Variants in MIPEP observed in about 807,000 individuals in gnomAD.
MIPEP encodes mitochondrial intermediate peptidase.
In MIPEP, 79 loss-of-function variants were observed where a neutral mutation model predicts 90.3. That is an observed-to-expected ratio of 0.87 (90% CI 0.73 to 1.05). The LOEUF (loss-of-function observed/expected upper bound fraction) is 1.05. Among genes scored for constraint, MIPEP ranks in the 50% least tolerant of loss-of-function variants. The pLI is 0.00. For synonymous variants in MIPEP, 334 were observed against 315.8 expected (o/e 1.06, Z -0.61); for missense variants, 940 against 905.6 (o/e 1.04, Z -0.49).
At chr13:23,782,261 G>C (rs1233487823) in intron 16 of MIPEP, among the ~76,000 whole-genome samples, 1 of 152,126 alleles carries the variant, frequency 6.6e-6, no homozygotes, top group Admixed American at 6.5e-5. Flanking sequence ...CTGTCTCTCA[G>C]ACCACAGTGC....
intron 18 of MIPEP, among the ~76,000 whole-genome samples, chr13:23,734,586 T>G (rs1952239687): frequency 6.6e-6 from 1 of 152,174 alleles, no homozygotes; most frequent in African/African-American, 2.4e-5. Context: ...GAGTTTATCT[T>G]GGGACCTCAA....
chr13:23,769,242 G>A (rs562018027), intron 16 of MIPEP, among the ~76,000 whole-genome samples: 9 of 152,314 alleles, frequency 5.9e-5, no homozygotes, highest in African/African-American at 2.2e-4. Flanking sequence ...GGCCTCTGTA[G>A]GAACAGGTAC....
chr13:23,779,620 G>A (rs1369857368), intron 16 of MIPEP, among the ~76,000 whole-genome samples: 1 of 151,924 alleles, frequency 6.6e-6, no homozygotes, highest in Non-Finnish European at 1.5e-5. Context: ...GCAGGACAGT[G>A]GGTGCAGCCC....
intron 16 of MIPEP, among the ~76,000 whole-genome samples, chr13:23,774,226 C>CT (rs903213802): frequency 2.2e-4 from 33 of 149,628 alleles, no homozygotes; most frequent in Admixed American, 4.7e-4. Context: ...AAATGTATGG[C>CT]TTTTTTTTTT....
At chr13:23,747,426 A>G in intron 18 of MIPEP, 1 of 422,194 alleles carries the variant, frequency 2.4e-6, no homozygotes, top group Non-Finnish European at 4.7e-6. Context: ...GGTGTCCCCT[A>G]CTTATTATGC....
chr13:23,877,025 A>G (rs1871099386), intron 4 of MIPEP, among the ~76,000 whole-genome samples: 1 of 152,084 alleles, frequency 6.6e-6, no homozygotes. Flanking sequence ...CTATTCTTCC[A>G]TTGATCTAAT....
chr13:23,731,553 G>A (rs192433263), intron 18 of MIPEP, among the ~76,000 whole-genome samples: 277 of 152,206 alleles, frequency 1.8e-3, no homozygotes, highest in African/African-American at 6.4e-3. Context: ...TAAAAAAACC[G>A]CATGAAGTAT....
At chr13:23,852,245 C>T (rs994591780) in intron 10 of MIPEP, among the ~76,000 whole-genome samples, 1 of 152,042 alleles carries the variant, frequency 6.6e-6, no homozygotes, top group Non-Finnish European at 1.5e-5. Context: ...TTGATACTAC[C>T]AAGGAAATAC....
At chr13:23,827,474 A>G (rs1868522225) in intron 14 of MIPEP, among the ~76,000 whole-genome samples, 1 of 152,224 alleles carries the variant, frequency 6.6e-6, no homozygotes, top group African/African-American at 2.4e-5. Flanking sequence ...GAATGGTTTC[A>G]TAGATGAATT....
At chr13:23,808,328 T>G (rs1953135247) in intron 15 of MIPEP, among the ~76,000 whole-genome samples, 1 of 152,146 alleles carries the variant, frequency 6.6e-6, no homozygotes, top group South Asian at 2.1e-4. Flanking sequence ...CTCGATCTCC[T>G]GATCTCGTGA....
rs73444278 is a variant in MIPEP, at chr13:23,875,011, C to T, written c.540-102G>A. The T allele has an allele frequency of 5.9e-4, 393 of 664,538 alleles. 1 individual carries two copies. The African/African-American group carries it at 6.8e-3, about 11-fold the overall frequency. The allele number at this position is 664,538 out of a possible 1,614,324, so 41.2% of individuals were successfully genotyped here. A position where few individuals can be genotyped will look rare whatever the true frequency, so the allele number is the denominator to read the frequency against. ...AAATAAGTCTTTTTCAGCCTCACTG[C>T]CAAAAGTTTCTTCAAAACACACACA... is the stretch of plus-strand genomic sequence containing the variant. On this transcript the variant is annotated intron_variant, in intron 4 of 18. Transcript: ENST00000382172.
rs180840031 is a variant in MIPEP at position 23,812,935 on chromosome 13, T to C, written c.1654-3011A>G. On this transcript the variant is annotated intron_variant, in intron 14 of 18. Coordinates refer to ENST00000382172, the MANE Select transcript of MIPEP (RefSeq NM_005932.4). The stretch of plus-strand genomic sequence containing the variant: ...AGAATAGTGCAGAGGACAGAATCAT[T>C]AACTCATCAAATCACAAATAAAAAA... Among the ~76,000 whole-genome samples, 338 of 152,308 alleles carry C rather than the reference T, an allele frequency of 2.2e-3. 1 individual carries two copies. Among genetic ancestry groups the C allele is most frequent in the Non-Finnish European group, 3.3e-3 (226 of 68,020 alleles).
intron 18 of MIPEP, among the ~76,000 whole-genome samples, chr13:23,753,860 T>A (rs1278109275): frequency 1.3e-5 from 2 of 152,190 alleles, no homozygotes; most frequent in African/African-American, 2.4e-5. Flanking sequence ...CCTATTTGAC[T>A]TCTCTGAATT....
At chr13:23,750,969 G>A (rs1952434941) in intron 18 of MIPEP, among the ~76,000 whole-genome samples, 1 of 152,126 alleles carries the variant, frequency 6.6e-6, no homozygotes, top group South Asian at 2.1e-4. Context: ...ACTATAAGAT[G>A]CTTCATGCTC....
rs111446782 is a variant in MIPEP at position 23,771,689 on chromosome 13, C to T, written c.1849-11472G>A. Reference sequence around the variant, plus strand: ...GCATGACTCCTACACAGACTCTTCCCTAACAGTCATGTTTCATCTGAAACC... The same window carrying T: ...GCATGACTCCTACACAGACTCTTCCTTAACAGTCATGTTTCATCTGAAACC... On this transcript the variant is annotated intron_variant, in intron 16 of 18. Transcript: ENST00000382172. 8.8e-3 allele frequency among the ~76,000 whole-genome samples: 1,335 copies of T among 152,240 alleles called. 26 individuals are homozygous for T. Among genetic ancestry groups the T allele is most frequent in the African/African-American group, 0.03 (1,259 of 41,524 alleles).
chr13:23,877,414 A>T (rs1313675517), intron 4 of MIPEP, among the ~76,000 whole-genome samples: 1 of 152,124 alleles, frequency 6.6e-6, no homozygotes, highest in Non-Finnish European at 1.5e-5. Context: ...TTTTCCCTCC[A>T]TTATATTTTC....
intron 10 of MIPEP, among the ~76,000 whole-genome samples, chr13:23,841,894 T>C (rs1365718079): frequency 6.6e-6 from 1 of 152,160 alleles, no homozygotes; most frequent in African/African-American, 2.4e-5. Flanking sequence ...CCTATATACA[T>C]AAATATTAAA....
intron 2 of MIPEP, among the ~76,000 whole-genome samples, chr13:23,884,063 A>G: frequency 6.6e-6 from 1 of 152,158 alleles, no homozygotes; most frequent in East Asian, 1.9e-4. Flanking sequence ...GTGGAAGGAA[A>G]TTTTCCAAAA....
intron 16 of MIPEP, among the ~76,000 whole-genome samples, chr13:23,776,819 TAAA>T (rs34142881): frequency 6.8e-6 from 1 of 147,344 alleles, no homozygotes; most frequent in East Asian, 2.0e-4. Flanking sequence ...TGACCTGCAT[TAAA>T]AAAAAAAAAG....
Sources: gnomAD v4.1 joint callset for allele counts (sites outside exome capture counted in the v4.1 genomes callset) on GRCh38, gnomAD v4.1.1 for gene constraint, MANE v1.5 for transcripts, NCBI Gene and HGNC (gene_info 2026-07-23, HGNC 2026-07-21) for gene names.